The following SBF2 variants were observed in gnomAD, a reference collection of about 807,000 sequenced individuals.
SBF2 encodes myotubularin-related protein 13.
A neutral mutation model predicts 225.2 loss-of-function variants in SBF2; 112 were observed. The ratio of observed to expected loss-of-function variants is 0.50; its 90% CI spans 0.43 to 0.58. The LOEUF (loss-of-function observed/expected upper bound fraction) is 0.58, where lower values mean the gene tolerates loss of function less well. Among genes scored for constraint, SBF2 ranks in the 20% least tolerant of loss-of-function variants. The pLI is 0.00. For synonymous variants in SBF2, 763 were observed against 773.3 expected (o/e 0.99, Z 0.22); for missense variants, 1,996 against 2,206.2 (o/e 0.90, Z 1.91).
intron 13 of SBF2, among the ~76,000 whole-genome samples, chr11:9,974,181 T>G (rs1946572504): frequency 6.6e-6 from 1 of 152,200 alleles, no homozygotes; most frequent in Non-Finnish European, 1.5e-5. Context: ...GACATTCAAC[T>G]GAATGTCTTA....
chr11:9,891,028 C>T (rs1025200865), intron 17 of SBF2, among the ~76,000 whole-genome samples: 12 of 152,016 alleles, frequency 7.9e-5, no homozygotes, highest in African/African-American at 9.6e-5. Flanking sequence ...CCCGGCTACT[C>T]GGGAGGCTGA....
chr11:10,183,159 G>A (rs1249685844), intron 2 of SBF2, among the ~76,000 whole-genome samples: 1 of 152,096 alleles, frequency 6.6e-6, no homozygotes, highest in Non-Finnish European at 1.5e-5. Flanking sequence ...CAAAATTCTG[G>A]CTTGAAGAAG....
chr11:10,036,773 T>C (rs1331848525), intron 3 of SBF2, among the ~76,000 whole-genome samples: 1 of 152,198 alleles, frequency 6.6e-6, no homozygotes, highest in East Asian at 1.9e-4. Flanking sequence ...TTAGTTAAAA[T>C]AAGCTGTTTA....
At chr11:10,137,052 T>C (rs1419163989) in intron 2 of SBF2, among the ~76,000 whole-genome samples, 1 of 152,196 alleles carries the variant, frequency 6.6e-6, no homozygotes, top group Non-Finnish European at 1.5e-5. Context: ...ACACAGTATT[T>C]CCATTTACTT....
chr11:9,844,319 A>C (rs528185555), intron 24 of SBF2, among the ~76,000 whole-genome samples: 58 of 152,196 alleles, frequency 3.8e-4, no homozygotes, highest in Non-Finnish European at 6.6e-4. Flanking sequence ...ATAATCCCCA[A>C]TCTACCCTTC....
Position 10,022,600 on chromosome 11 carries a change from A to AC in SBF2, c.619+5851dup, listed in dbSNP as rs563850615. On this transcript the variant is annotated intron_variant, in intron 6 of 39. Transcript: ENST00000256190. ...CCCTGGAAGCCCCTTTTATGTACCC[A>AC]CCCCCCCATCATAATCTCCTCTCTA... 1.7e-3 allele frequency among the ~76,000 whole-genome samples: 249 copies of AC among 147,784 alleles called. 1 individual carries two copies. The highest frequency in any genetic ancestry group is 5.9e-3 in the African/African-American group (236 of 40,282).
At chr11:9,895,832 T>G (rs561498351) in intron 17 of SBF2, 111 bp downstream of exon 17, 21 of 805,542 alleles carry the variant, frequency 2.6e-5, no homozygotes, top group Non-Finnish European at 4.6e-5. Context: ...CGCAGATATA[T>G]CTTAGGCATG....
At chr11:10,075,678 G>T (rs1951071039) in intron 2 of SBF2, among the ~76,000 whole-genome samples, 1 of 151,868 alleles carries the variant, frequency 6.6e-6, no homozygotes, top group Non-Finnish European at 1.5e-5. Flanking sequence ...TGCCATGATT[G>T]TAAGTTTCCT....
chr11:10,070,197 T>C (rs1373259917), intron 2 of SBF2, among the ~76,000 whole-genome samples: 2 of 152,242 alleles, frequency 1.3e-5, no homozygotes, highest in South Asian at 2.1e-4. Context: ...TTTGTTGCCA[T>C]TGCTTTTGGT....
rs538538148 is a variant in SBF2, at chr11:10,071,137, T to C, written c.142-28156A>G. 3.4e-4 allele frequency among the ~76,000 whole-genome samples: 52 copies of C among 152,284 alleles called. No individual in the cohort carries two copies. In the South Asian group the frequency reaches 7.3e-3, roughly 21 times the overall value. On this transcript the variant is annotated intron_variant, in intron 2 of 39. Transcript: ENST00000256190. ...ACAATTTGACTTCCTCTCTTCCAAA[T>C]TGAATACCCTTTATTTCTTTCTCTT...
intron 2 of SBF2, among the ~76,000 whole-genome samples, chr11:10,125,588 C>T (rs566182058): frequency 6.6e-6 from 1 of 152,190 alleles, no homozygotes; most frequent in East Asian, 1.9e-4. Flanking sequence ...ATATAGAATA[C>T]AGTCCTTATA....
chr11:9,818,301 G>A (rs985923191), intron 28 of SBF2, among the ~76,000 whole-genome samples: 4 of 152,172 alleles, frequency 2.6e-5, no homozygotes, highest in Admixed American at 1.3e-4. Context: ...GAGTCTCAAT[G>A]AGATAAGATG....
At chr11:10,165,333 T>C (rs1238909722) in intron 2 of SBF2, among the ~76,000 whole-genome samples, 1 of 152,190 alleles carries the variant, frequency 6.6e-6, no homozygotes, top group Non-Finnish European at 1.5e-5. Flanking sequence ...CAGTGTGATA[T>C]GGATTAGATC....
chr11:9,827,711 A>G (rs2133928959), intron 28 of SBF2, among the ~76,000 whole-genome samples: 1 of 152,232 alleles, frequency 6.6e-6, no homozygotes, highest in South Asian at 2.1e-4. Flanking sequence ...TATCCTCCAA[A>G]CCAGTATTTC....
In SBF2 at chr11:10,178,580, A is replaced by G. The variant is rs1424428341; in HGVS notation, c.141+15322T>C. Among the ~76,000 whole-genome samples the G allele has an allele frequency of 3.5e-3, 520 of 148,880 alleles. 3 individuals are homozygous for G. Among genetic ancestry groups the G allele is most frequent in the South Asian group, 4.9e-3 (23 of 4,668 alleles). On this transcript the variant is annotated intron_variant, in intron 2 of 39. Transcript: ENST00000256190. Reference sequence around the variant, plus strand: ...AAAGAAGACATTTATGCAGCCAAAAAACACATGAAAAAATGCTCACCATCA... The same window carrying G: ...AAAGAAGACATTTATGCAGCCAAAAGACACATGAAAAAATGCTCACCATCA...
intron 2 of SBF2, among the ~76,000 whole-genome samples, chr11:10,178,643 G>A (rs1008146226): frequency 6.9e-6 from 1 of 145,748 alleles, no homozygotes; most frequent in Admixed American, 6.9e-5. Flanking sequence ...ACCACAATGA[G>A]ATACCATCTC....
intron 3 of SBF2, 138 bp downstream of exon 3, chr11:10,042,706 A>T: frequency 1.3e-6 from 1 of 782,132 alleles, no homozygotes; most frequent in Non-Finnish European, 2.1e-6. Context: ...CTCCAACCTT[A>T]AACATAAAAA....
chr11:10,208,518 C>G (rs1424029256), intron 1 of SBF2, among the ~76,000 whole-genome samples: 2 of 151,724 alleles, frequency 1.3e-5, no homozygotes, highest in East Asian at 1.9e-4. Context: ...TTCTGAGAAA[C>G]TAAGTTTACA....
chr11:10,075,935 C>T (rs1268489537), intron 2 of SBF2, among the ~76,000 whole-genome samples: 1 of 151,528 alleles, frequency 6.6e-6, no homozygotes, highest in African/African-American at 2.4e-5. Flanking sequence ...AAATTAGAGG[C>T]TTTGTTACCA....
Sources: allele counts gnomAD v4.1 joint callset (sites outside exome capture counted in the v4.1 genomes callset), GRCh38; gene constraint gnomAD v4.1.1; transcripts MANE v1.5; gene names NCBI Gene and HGNC (gene_info 2026-07-23, HGNC 2026-07-21).